Variants in RSPH14 observed in about 807,000 individuals in gnomAD.
RSPH14 encodes the protein rhabdoid tumor deletion region gene 1.
In RSPH14, 20 loss-of-function variants were observed where a neutral mutation model predicts 26.7. That is an observed-to-expected ratio of 0.75 (90% CI 0.53 to 1.09). The LOEUF (loss-of-function observed/expected upper bound fraction) is 1.09. Among genes scored for constraint, RSPH14 ranks in the 50% least tolerant of loss-of-function variants. RSPH14 has a pLI of 0.00. For missense variants in RSPH14, 449 were observed against 457.2 expected, an observed-to-expected ratio of 0.98 and a Z score of 0.16; for synonymous variants, 177 against 189.3, an observed-to-expected ratio of 0.93 and a Z score of 0.53.
At chr22:23,072,959 G>T (rs2068416087) in intron 4 of RSPH14, among the ~76,000 whole-genome samples, 1 of 152,200 alleles carries the variant, frequency 6.6e-6, no homozygotes, top group African/African-American at 2.4e-5. Context: ...CACAAGGGCT[G>T]CCCAGGGCCC....
chr22:23,119,706 G>C (rs146322767), intron 4 of RSPH14, among the ~76,000 whole-genome samples: 15 of 152,204 alleles, frequency 9.9e-5, no homozygotes, highest in Admixed American at 6.5e-4. Context: ...GGAGTGAGGC[G>C]GCAAGCTCAG....
intron 4 of RSPH14, among the ~76,000 whole-genome samples, chr22:23,086,382 A>T (rs1293444479): frequency 6.6e-6 from 1 of 152,226 alleles, no homozygotes; most frequent in Non-Finnish European, 1.5e-5. Flanking sequence ...GCATGAGATG[A>T]CGTGTGTGAG....
intron 4 of RSPH14, among the ~76,000 whole-genome samples, chr22:23,094,549 C>G (rs1047769818): frequency 6.6e-6 from 1 of 152,212 alleles, no homozygotes; most frequent in African/African-American, 2.4e-5. Context: ...CGTGCAGCCC[C>G]CAGCTCCTTG....
At chr22:23,060,651 G>A (rs1017275054) in intron 6 of RSPH14, among the ~76,000 whole-genome samples, 3 of 152,050 alleles carry the variant, frequency 2.0e-5, no homozygotes, top group Non-Finnish European at 4.4e-5. Flanking sequence ...CCCTTTGCTG[G>A]TGGAACCTCT....
In RSPH14 at chr22:23,140,416, G is replaced by T. The variant is rs370863519; in HGVS notation, c.5C>A (p.Ala2Asp). The T allele has an allele frequency of 1.9e-5, 30 of 1,614,004 alleles. No homozygotes were observed. In the South Asian group the frequency reaches 2.7e-4, roughly 15 times the overall value. M[A>D]HSQNSLELPI... ...AAGCTCCAAGGAGTTCTGGGAATGG[G>T]CCATCTTTCCCCAACTACAGAGGCC... The change falls in exon 2 of 7, where the codon GCC becomes GAC. Residue 2 changes from alanine to aspartate, a missense_variant. Physicochemically the swap from Ala to Asp is moderately radical, Grantham distance 126 (BLOSUM62 -2). Transcript: ENST00000216036.
intron 4 of RSPH14, among the ~76,000 whole-genome samples, chr22:23,079,913 G>C (rs1043185485): frequency 5.3e-5 from 8 of 152,200 alleles, no homozygotes; most frequent in African/African-American, 1.9e-4. Context: ...GGATGGGATT[G>C]TGGGATGCCA....
At chr22:23,060,784 C>T (rs2068078764) in intron 6 of RSPH14, among the ~76,000 whole-genome samples, 1 of 152,166 alleles carries the variant, frequency 6.6e-6, no homozygotes, top group Non-Finnish European at 1.5e-5. Context: ...CTCATCACTG[C>T]CTCCCAGGGC....
chr22:23,168,231 C>G, the RSPH14 span, among the ~76,000 whole-genome samples: 3 of 152,256 alleles, frequency 2.0e-5, no homozygotes, highest in East Asian at 5.8e-4. Flanking sequence ...AGCCCTGGGT[C>G]CACACAGGCA....
the RSPH14 span, among the ~76,000 whole-genome samples, chr22:23,151,473 A>T: frequency 1.3e-5 from 2 of 152,246 alleles, no homozygotes; most frequent in African/African-American, 4.8e-5. Context: ...CAGGTGACAC[A>T]GTGGTGCCCT....
chr22:23,141,016 T>G (rs1237098869), intron 1 of RSPH14, among the ~76,000 whole-genome samples: 1 of 152,078 alleles, frequency 6.6e-6, no homozygotes, highest in Non-Finnish European at 1.5e-5. Context: ...GACACATCCA[T>G]GAAAAGGAAT....
At chr22:23,073,221 G>A (rs148736022) in intron 4 of RSPH14, among the ~76,000 whole-genome samples, 2 of 152,186 alleles carry the variant, frequency 1.3e-5, no homozygotes, top group Non-Finnish European at 2.9e-5. Context: ...CTGCTCTCCC[G>A]AACCCTCCAG....
the RSPH14 span, among the ~76,000 whole-genome samples, chr22:23,166,849 T>C: frequency 1.3e-5 from 2 of 152,098 alleles, no homozygotes; most frequent in African/African-American, 4.8e-5. Context: ...TGACCCACTG[T>C]TCCCCAAAGC....
At chr22:23,090,177 C>G (rs191651870) in intron 4 of RSPH14, among the ~76,000 whole-genome samples, 4 of 152,228 alleles carry the variant, frequency 2.6e-5, no homozygotes, top group East Asian at 3.9e-4. Flanking sequence ...ACCACAGGGA[C>G]AGCTGACAGT....
intron 4 of RSPH14, among the ~76,000 whole-genome samples, chr22:23,116,606 G>C (rs1047184439): frequency 9.9e-5 from 15 of 152,230 alleles, no homozygotes; most frequent in African/African-American, 3.1e-4. Flanking sequence ...TACAGTGCAG[G>C]ATGGGCTGTG....
the RSPH14 span, among the ~76,000 whole-genome samples, chr22:23,154,421 G>A: frequency 6.6e-6 from 1 of 152,234 alleles, no homozygotes; most frequent in Admixed American, 6.5e-5. Context: ...GCAAAGCCCT[G>A]GAGATGGAGG....
rs2069368428 is a variant in RSPH14, at chr22:23,103,583, TC to T, written c.421+30442del. ...GCGGCTCTTCACTTGCCTGCCTCCCTCCCGCTCTTCCTCGGCAGATTTAAGA... is the reference window on the plus strand; with the variant it reads ...GCGGCTCTTCACTTGCCTGCCTCCCTCCGCTCTTCCTCGGCAGATTTAAGA... On this transcript the variant is annotated intron_variant, in intron 4 of 6. Transcript: ENST00000216036. 7.2e-5 allele frequency among the ~76,000 whole-genome samples: 11 copies of T among 152,274 alleles called. 1 individual carries two copies. The South Asian group carries it at 2.3e-3, about 32-fold the overall frequency.
chr22:23,059,772 C>A (rs535514227), intron 6 of RSPH14, 54 bp from the exon 7 acceptor site: 41 of 1,485,058 alleles, frequency 2.8e-5, no homozygotes, highest in Non-Finnish European at 3.4e-5. Flanking sequence ...CCTCTTCTCA[C>A]CCCCTCTCAC....
At chr22:23,096,509 G>A (rs918176247) in intron 4 of RSPH14, 1 of 1,339,444 alleles carries the variant, frequency 7.5e-7, no homozygotes, top group African/African-American at 1.5e-5. Flanking sequence ...ACAGTCTGCA[G>A]CCAGAAAGGG....
chr22:23,160,115 A>T, the RSPH14 span, among the ~76,000 whole-genome samples: 1 of 152,136 alleles, frequency 6.6e-6, no homozygotes, highest in Admixed American at 6.5e-5. Context: ...TACCCTGTGT[A>T]AGAGGGGACA....
Sources: allele counts gnomAD v4.1 joint callset (sites outside exome capture counted in the v4.1 genomes callset), GRCh38; gene constraint gnomAD v4.1.1; transcripts MANE v1.5; gene names NCBI Gene and HGNC (gene_info 2026-07-23, HGNC 2026-07-21).